Variants in SEMA3E observed in about 807,000 individuals in gnomAD.
SEMA3E encodes the protein semaphorin 3E.
A neutral mutation model predicts 93.6 loss-of-function variants in SEMA3E; 49 were observed. The ratio of observed to expected loss-of-function variants is 0.52; its 90% CI spans 0.42 to 0.66. The LOEUF is 0.66. Among genes scored for constraint, SEMA3E ranks in the 30% least tolerant of loss-of-function variants. The pLI, the probability that SEMA3E is intolerant of heterozygous loss-of-function variation, is 0.00. For missense variants in SEMA3E, 906 were observed against 964.8 expected (o/e 0.94, Z 0.81); for synonymous variants, 363 against 330.7 (o/e 1.10, Z -1.06).
At chr7:83,465,079 G>A (rs1438521467) in intron 4 of SEMA3E, among the ~76,000 whole-genome samples, 4 of 152,046 alleles carry the variant, frequency 2.6e-5, no homozygotes, top group East Asian at 2.0e-4. Context: ...CACAAAAGAA[G>A]TGTAAATGGC....
rs1368929545 is a variant in SEMA3E, at chr7:83,593,314, G to C, written c.115+55114C>G. ...TGTGTGTGTGTGTGTGTGTGTGTGT[G>C]TGTGTGTGTGTGTGTGTGTGTTGGG... On this transcript the variant is annotated intron_variant, in intron 1 of 16. Coordinates refer to ENST00000643230, the MANE Select transcript of SEMA3E (RefSeq NM_012431.3). Among the ~76,000 whole-genome samples, 660 of 119,148 alleles carry C rather than the reference G, an allele frequency of 5.5e-3. 9 individuals carry two copies. Among genetic ancestry groups the C allele is most frequent in the East Asian group, 9.9e-3 (40 of 4,052 alleles). The allele number at this position is 119,148 out of a possible 152,430, so 78.2% of individuals were successfully genotyped here. A position where few individuals can be genotyped will look rare whatever the true frequency, so the allele number is the denominator to read the frequency against.
chr7:83,579,704 T>G (rs1307886251), intron 1 of SEMA3E, among the ~76,000 whole-genome samples: 2 of 152,126 alleles, frequency 1.3e-5, no homozygotes, highest in African/African-American at 4.8e-5. Flanking sequence ...AATTTTTAAT[T>G]TGACAATTAT....
chr7:83,595,845 T>A (rs1052207164), intron 1 of SEMA3E, among the ~76,000 whole-genome samples: 8 of 152,106 alleles, frequency 5.3e-5, no homozygotes, highest in African/African-American at 1.9e-4. Context: ...CTGCCAGGTT[T>A]CTCCACTGAA....
At chr7:83,612,587 C>T (rs1793287440) in intron 1 of SEMA3E, 1 of 152,202 alleles carries the variant, frequency 6.6e-6, no homozygotes, top group African/African-American at 2.4e-5. Context: ...CCTGCTGAGT[C>T]CTGACTGCCT....
intron 2 of SEMA3E, 118 bp downstream of exon 2, chr7:83,489,995 TA>T: frequency 1.1e-6 from 1 of 899,696 alleles, no homozygotes; most frequent in Non-Finnish European, 1.7e-6. Context: ...ATATTTTATT[TA>T]AAAAGTAATC....
chr7:83,616,651 TC>T, intron 1 of SEMA3E: 1 of 440,104 alleles, frequency 2.3e-6, no homozygotes, highest in South Asian at 1.6e-5. Flanking sequence ...CCATGTCTTT[TC>T]TTCATTCAAG....
chr7:83,642,676 A>C (rs1259798260), intron 1 of SEMA3E, among the ~76,000 whole-genome samples: 1 of 152,092 alleles, frequency 6.6e-6, no homozygotes, highest in Non-Finnish European at 1.5e-5. Context: ...ATATCAAAAT[A>C]ACCATCATCC....
intron 6 of SEMA3E, 147 bp from the exon 7 acceptor site, chr7:83,407,386 C>T: frequency 2.7e-6 from 2 of 749,574 alleles, no homozygotes; most frequent in Non-Finnish European, 4.3e-6. Flanking sequence ...ATTTTTTTAC[C>T]AAACATTAAA....
At chr7:83,646,901 G>A (rs376363138) in intron 1 of SEMA3E, among the ~76,000 whole-genome samples, 2 of 151,800 alleles carry the variant, frequency 1.3e-5, no homozygotes, top group Admixed American at 1.3e-4. Flanking sequence ...TAACAGAATT[G>A]TAGCTTGCAA....
chr7:83,563,837 G>A (rs1562834171), intron 1 of SEMA3E, among the ~76,000 whole-genome samples: 1 of 152,042 alleles, frequency 6.6e-6, no homozygotes, highest in East Asian at 1.9e-4. Flanking sequence ...CCTGCCCATA[G>A]GAGTCAAAGC....
At chr7:83,501,797 T>C (rs1562809069) in intron 1 of SEMA3E, among the ~76,000 whole-genome samples, 1 of 152,216 alleles carries the variant, frequency 6.6e-6, no homozygotes. Flanking sequence ...CTTTGGCCTA[T>C]AACATGTTTT....
chr7:83,616,048 G>T (rs1445611784), intron 1 of SEMA3E, among the ~76,000 whole-genome samples: 2 of 152,044 alleles, frequency 1.3e-5, no homozygotes, highest in African/African-American at 2.4e-5. Context: ...CCCTTGAAGA[G>T]ATTAGACCAT....
chr7:83,595,047 T>C (rs1312561510), intron 1 of SEMA3E, among the ~76,000 whole-genome samples: 2 of 151,880 alleles, frequency 1.3e-5, no homozygotes, highest in African/African-American at 4.8e-5. Context: ...TGTGTAGTTA[T>C]CTCATCACCA....
intron 13 of SEMA3E, 119 bp from the exon 14 acceptor site, chr7:83,392,840 A>C: frequency 1.0e-6 from 1 of 962,926 alleles, no homozygotes; most frequent in Non-Finnish European, 1.6e-6. Flanking sequence ...AATTTAATTC[A>C]CTTAAATTAG....
intron 1 of SEMA3E, among the ~76,000 whole-genome samples, chr7:83,579,505 T>C (rs1792477202): frequency 6.6e-6 from 1 of 152,126 alleles, no homozygotes; most frequent in Non-Finnish European, 1.5e-5. Flanking sequence ...AGTCAAATTA[T>C]GAATAAAATT....
intron 13 of SEMA3E, 38 bp from the exon 14 acceptor site, chr7:83,392,759 C>T: frequency 6.3e-7 from 1 of 1,593,220 alleles, no homozygotes; most frequent in Non-Finnish European, 8.6e-7. Flanking sequence ...CAGAAATGGA[C>T]AAAACTTTCA....
At chr7:83,546,887 T>G (rs1220444019) in intron 1 of SEMA3E, among the ~76,000 whole-genome samples, 1 of 152,088 alleles carries the variant, frequency 6.6e-6, no homozygotes, top group African/African-American at 2.4e-5. Context: ...ACATCAAAAT[T>G]TTATTGATGA....
intron 2 of SEMA3E, among the ~76,000 whole-genome samples, chr7:83,469,952 A>AT (rs1789858358): frequency 6.6e-6 from 1 of 151,632 alleles, no homozygotes; most frequent in South Asian, 2.1e-4. Context: ...CACCCAGCTA[A>AT]TTTTTTTGTA....
chr7:83,372,165 TA>T (rs1794757909), intron 16 of SEMA3E: 2 of 396,990 alleles, frequency 5.0e-6, no homozygotes, highest in Non-Finnish European at 8.9e-6. Flanking sequence ...CAAAAGATAT[TA>T]AAAACTTCCA....
Sources: allele counts gnomAD v4.1 joint callset (sites outside exome capture counted in the v4.1 genomes callset), GRCh38; gene constraint gnomAD v4.1.1; transcripts MANE v1.5; gene names NCBI Gene and HGNC (gene_info 2026-07-23, HGNC 2026-07-21).